The following RTTN variants were observed in gnomAD, a reference collection of about 807,000 sequenced individuals.
RTTN encodes rotatin.
RTTN carries 182 observed loss-of-function variants against 269.2 expected under a neutral mutation model. The ratio of observed to expected loss-of-function variants is 0.68; its 90% CI spans 0.60 to 0.76. The LOEUF (loss-of-function observed/expected upper bound fraction) is 0.76, where lower values mean the gene tolerates loss of function less well. Ranked by LOEUF, RTTN falls within the 30% of genes least tolerant of loss-of-function variation. RTTN has a pLI of 0.00. For synonymous variants in RTTN, 1,006 were observed against 963.5 expected (o/e 1.04, Z -0.82); for missense variants, 2,545 against 2,608.6 (o/e 0.98, Z 0.53).
At chr18:70,138,636 AT>A (rs554920083) in intron 21 of RTTN, 1 of 152,170 alleles carries the variant, frequency 6.6e-6, no homozygotes, top group Non-Finnish European at 1.5e-5. Flanking sequence ...ATACAATCTT[AT>A]AAAAACGTTA....
chr18:70,092,435 T>C (rs1308381495), intron 29 of RTTN, among the ~76,000 whole-genome samples: 1 of 152,212 alleles, frequency 6.6e-6, no homozygotes, highest in Non-Finnish European at 1.5e-5. Flanking sequence ...ATTTTTCCCA[T>C]AATGTAGACA....
At chr18:70,157,122 T>C (rs1450253133) in intron 14 of RTTN, among the ~76,000 whole-genome samples, 2 of 152,158 alleles carry the variant, frequency 1.3e-5, no homozygotes, top group African/African-American at 4.8e-5. Flanking sequence ...CCCCTGCCAG[T>C]GCGCACTTGC....
intron 28 of RTTN, among the ~76,000 whole-genome samples, chr18:70,099,310 T>C (rs575801815): frequency 1.3e-5 from 2 of 152,336 alleles, no homozygotes; most frequent in Admixed American, 1.3e-4. Context: ...TGGTTTCTCA[T>C]TGTCGTTTTG....
intron 44 of RTTN, among the ~76,000 whole-genome samples, chr18:70,022,703 A>AT (rs149243794): frequency 2.5e-3 from 380 of 152,232 alleles, no homozygotes; most frequent in African/African-American, 8.9e-3. Context: ...TCCAACAGCC[A>AT]TTTTTTCTAT....
intron 28 of RTTN, among the ~76,000 whole-genome samples, chr18:70,098,060 TATAA>T (rs398120639): frequency 3.4e-5 from 2 of 58,100 alleles, no homozygotes; most frequent in African/African-American, 2.6e-5. Flanking sequence ...CAAAAAATGC[TATAA>T]ACTAGGTACT....
intron 21 of RTTN, among the ~76,000 whole-genome samples, chr18:70,139,272 G>A (rs1372129350): frequency 4.6e-5 from 7 of 152,058 alleles, no homozygotes; most frequent in African/African-American, 1.7e-4. Context: ...AAGAGATATT[G>A]GAAAGAAGAT....
chr18:70,035,475 C>T (rs562248239), intron 40 of RTTN, among the ~76,000 whole-genome samples: 1 of 152,234 alleles, frequency 6.6e-6, no homozygotes, highest in African/African-American at 2.4e-5. Context: ...ACTCCCTGTT[C>T]GATAAATGGT....
intron 6 of RTTN, among the ~76,000 whole-genome samples, chr18:70,197,184 C>CCT (rs1422383898): frequency 6.6e-6 from 1 of 152,006 alleles, no homozygotes; most frequent in South Asian, 2.1e-4. Flanking sequence ...ACCCTGGATC[C>CCT]CTCTCTCTCT....
chr18:70,162,897 A>AC (rs1245612983), intron 14 of RTTN, among the ~76,000 whole-genome samples: 6 of 150,282 alleles, frequency 4.0e-5, no homozygotes, highest in East Asian at 3.9e-4. Flanking sequence ...AAAAAAAAAA[A>AC]AAAAAAACAG....
chr18:70,035,291 C>T (rs1171752022), intron 40 of RTTN, among the ~76,000 whole-genome samples: 1 of 152,196 alleles, frequency 6.6e-6, no homozygotes, highest in Non-Finnish European at 1.5e-5. Flanking sequence ...CTGGAGGCAT[C>T]AAGCTACTTG....
intron 28 of RTTN, among the ~76,000 whole-genome samples, chr18:70,103,793 A>C (rs1422260225): frequency 3.3e-5 from 5 of 151,346 alleles, no homozygotes; most frequent in Non-Finnish European, 7.4e-5. Flanking sequence ...ATCATAAAAA[A>C]AAAAGAATGT....
intron 12 of RTTN, among the ~76,000 whole-genome samples, chr18:70,168,500 C>T (rs1482324166): frequency 6.6e-6 from 1 of 152,072 alleles, no homozygotes; most frequent in Non-Finnish European, 1.5e-5. Context: ...CAAGTAAGCA[C>T]TAAAATAGCC....
At chr18:70,057,684 G>A in intron 37 of RTTN, 58 bp downstream of exon 37, 1 of 1,322,564 alleles carries the variant, frequency 7.6e-7, no homozygotes, top group Non-Finnish European at 1.1e-6. Context: ...TCCTCAGCAA[G>A]ATTTTTATTT....
At chr18:70,127,411 G>T in intron 25 of RTTN, 91 bp downstream of exon 25, 1 of 1,434,678 alleles carries the variant, frequency 7.0e-7, no homozygotes, top group Non-Finnish European at 9.5e-7. Context: ...CAGCAGTAAG[G>T]GCATAGACTC....
At chr18:70,174,090 A>G (rs911863408) in intron 11 of RTTN, among the ~76,000 whole-genome samples, 3 of 151,710 alleles carry the variant, frequency 2.0e-5, no homozygotes, top group Non-Finnish European at 4.4e-5. Context: ...AGACAGATGC[A>G]TTCACTTAGT....
intron 9 of RTTN, 73 bp from the exon 10 acceptor site, chr18:70,188,296 T>C (rs944789078): frequency 2.5e-6 from 2 of 789,826 alleles, no homozygotes; most frequent in Non-Finnish European, 4.4e-6. Flanking sequence ...GAATATCATA[T>C]TGCTCAATTT....
At position 70,184,190 on chromosome 18, in the gene RTTN, C is replaced by T. The variant is rs1005871884; in HGVS notation, c.1305+3918G>A. Among the ~76,000 whole-genome samples, 35 of 152,278 alleles carry T rather than the reference C, an allele frequency of 2.3e-4. 1 individual carries two copies. The highest frequency in any genetic ancestry group is 8.2e-4 in the African/African-American group (34 of 41,562). On this transcript the variant is annotated intron_variant, in intron 10 of 48. Transcript: ENST00000640769. ...GAAAAGTCAGCCAGTGGACAAGACC[C>T]AAAACTGAAATACTCAAATGTATAA... is the stretch of plus-strand genomic sequence containing the variant.
At position 70,127,753 on chromosome 18, in the gene RTTN, G is replaced by C. The variant is rs761585682; in HGVS notation, c.3144-12C>G. The C allele has an allele frequency of 1.3e-6, 2 of 1,571,980 alleles. No homozygotes were observed. On this transcript the variant is annotated splice_polypyrimidine_tract_variant and intron_variant, in intron 24 of 48. Coordinates refer to ENST00000640769, the MANE Select transcript of RTTN (RefSeq NM_173630.4). ...ATGCATCTAAAATTCTAGACAAAAA[G>C]AAAAAAAATGAAGGAGGAACATAAA... is the stretch of plus-strand genomic sequence containing the variant.
Position 70,047,827 on chromosome 18 carries a change from A to C in RTTN, c.5541+144T>G, listed in dbSNP as rs2057534672. ...AGGAGATAGTTAATTTAACTTTATA[A>C]ACTTTTGTATCATTTAAACAGTCAT... On this transcript the variant is annotated intron_variant, in intron 40 of 48. Coordinates refer to ENST00000640769, the MANE Select transcript of RTTN (RefSeq NM_173630.4). 4.4e-6 allele frequency: 3 copies of C among 683,796 alleles called. No individual in the cohort carries two copies. In the South Asian group the frequency reaches 6.0e-5, roughly 14 times the overall value. The allele number at this position is 683,796 out of a possible 1,614,324, so 42.4% of individuals were successfully genotyped here. A position where few individuals can be genotyped will look rare whatever the true frequency, so the allele number is the denominator to read the frequency against.
Sources: gnomAD v4.1 joint callset for allele counts (sites outside exome capture counted in the v4.1 genomes callset) on GRCh38, gnomAD v4.1.1 for gene constraint, MANE v1.5 for transcripts, NCBI Gene and HGNC (gene_info 2026-07-23, HGNC 2026-07-21) for gene names.